Variants in XKR6 observed in about 807,000 individuals in gnomAD.
The protein encoded by XKR6 is XK related 6.
XKR6 carries 22 observed loss-of-function variants against 56.7 expected under a neutral mutation model. The ratio of observed to expected loss-of-function variants is 0.39; its 90% CI spans 0.28 to 0.55. The LOEUF (loss-of-function observed/expected upper bound fraction) is 0.55, where lower values mean the gene tolerates loss of function less well. Ranked by LOEUF, XKR6 falls within the 20% of genes least tolerant of loss-of-function variation. The pLI, the probability that XKR6 is intolerant of heterozygous loss-of-function variation, is 0.66. For missense variants in XKR6, 852 were observed against 889.0 expected, an observed-to-expected ratio of 0.96 and a Z score of 0.53; for synonymous variants, 524 against 387.8, an observed-to-expected ratio of 1.35 and a Z score of -4.13.
intron 1 of XKR6, among the ~76,000 whole-genome samples, chr8:11,162,939 C>T (rs919093411): frequency 2.0e-5 from 3 of 152,228 alleles, no homozygotes; most frequent in African/African-American, 7.2e-5. Context: ...ACCTTATTCT[C>T]AGTCTAGCTA....
chr8:11,193,084 G>T (rs1003527188), intron 1 of XKR6, among the ~76,000 whole-genome samples: 1 of 152,316 alleles, frequency 6.6e-6, no homozygotes, highest in South Asian at 2.1e-4. Context: ...AGGGCAAACC[G>T]TAATTATCAA....
intron 1 of XKR6, among the ~76,000 whole-genome samples, chr8:10,988,295 G>A (rs1427884558): frequency 6.6e-6 from 1 of 152,200 alleles, no homozygotes; most frequent in African/African-American, 2.4e-5. Context: ...ACAGCATGTG[G>A]CACAAAGTAG....
At chr8:10,914,732 G>C (rs1207945277) in intron 2 of XKR6, among the ~76,000 whole-genome samples, 1 of 130,846 alleles carries the variant, frequency 7.6e-6, no homozygotes, top group African/African-American at 3.0e-5. Context: ...ATGTGGGAAA[G>C]TGGGGGAAAT....
intron 1 of XKR6, among the ~76,000 whole-genome samples, chr8:10,998,782 G>A (rs1798172929): frequency 6.6e-6 from 1 of 152,176 alleles, no homozygotes; most frequent in African/African-American, 2.4e-5. Context: ...CCCTTTTGGT[G>A]GTGGACTCAC....
intron 1 of XKR6, among the ~76,000 whole-genome samples, chr8:11,116,603 A>C (rs1317760814): frequency 1.3e-5 from 2 of 152,094 alleles, no homozygotes; most frequent in African/African-American, 4.8e-5. Context: ...ACTCCTGACC[A>C]CAGGTGATCC....
At chr8:11,189,537 G>A (rs1192912545) in intron 1 of XKR6, among the ~76,000 whole-genome samples, 1 of 152,158 alleles carries the variant, frequency 6.6e-6, no homozygotes, top group Admixed American at 6.5e-5. Context: ...AATCACCTGA[G>A]GACCTTCTTT....
intron 1 of XKR6, among the ~76,000 whole-genome samples, chr8:10,966,072 G>A (rs1194823259): frequency 6.6e-6 from 1 of 151,832 alleles, no homozygotes; most frequent in East Asian, 1.9e-4. Flanking sequence ...AGATAACTTG[G>A]GTGGGGAGGA....
At chr8:11,059,580 G>C (rs1376356003) in intron 1 of XKR6, among the ~76,000 whole-genome samples, 2 of 151,814 alleles carry the variant, frequency 1.3e-5, no homozygotes, top group Non-Finnish European at 2.9e-5. Context: ...TCTTCCAGGC[G>C]CGCGGCGGTG....
At chr8:10,955,821 G>T (rs1469077962) in intron 1 of XKR6, among the ~76,000 whole-genome samples, 6 of 152,186 alleles carry the variant, frequency 3.9e-5, no homozygotes. Context: ...TGAGATCCAG[G>T]CCCACACTGG....
At chr8:10,940,575 G>A (rs1046587898) in intron 1 of XKR6, among the ~76,000 whole-genome samples, 3 of 152,152 alleles carry the variant, frequency 2.0e-5, no homozygotes, top group Non-Finnish European at 4.4e-5. Context: ...CTCTTTGTCG[G>A]CACCTGCAGA....
intron 1 of XKR6, among the ~76,000 whole-genome samples, chr8:11,010,660 A>C (rs1798479202): frequency 6.6e-6 from 1 of 152,228 alleles, no homozygotes. Context: ...AATTTTCCAC[A>C]AAATGATTTT....
At chr8:11,141,883 G>C (rs962213918) in intron 1 of XKR6, among the ~76,000 whole-genome samples, 4 of 152,118 alleles carry the variant, frequency 2.6e-5, no homozygotes, top group African/African-American at 9.7e-5. Flanking sequence ...AGTGACTGGG[G>C]AGGGGTCTAG....
intron 1 of XKR6, among the ~76,000 whole-genome samples, chr8:10,943,888 G>A (rs1484477273): frequency 3.9e-5 from 6 of 152,110 alleles, no homozygotes; most frequent in African/African-American, 1.4e-4. Flanking sequence ...TACAGATGAG[G>A]ACACCTTGAG....
rs537002816 is a variant in XKR6, at chr8:11,070,436, T to C, written c.764+130140A>G. Among the ~76,000 whole-genome samples, 3 of 152,312 alleles carry C rather than the reference T, an allele frequency of 2.0e-5. No homozygotes were observed. In the South Asian group the frequency reaches 6.2e-4, roughly 32 times the overall value. ...AGAAACTTTGAGGGTTTAGGACCTA[T>C]TTTTGGGTAGGAGGAGAAGATCAGA... is the stretch of plus-strand genomic sequence containing the variant. On this transcript the variant is annotated intron_variant, in intron 1 of 2. Coordinates refer to ENST00000416569, the MANE Select transcript of XKR6 (RefSeq NM_173683.4).
chr8:11,071,114 T>C (rs1563117217), intron 1 of XKR6, among the ~76,000 whole-genome samples: 1 of 152,304 alleles, frequency 6.6e-6, no homozygotes, highest in East Asian at 1.9e-4. Context: ...TGGATACTCA[T>C]ATCACATTCT....
intron 1 of XKR6, among the ~76,000 whole-genome samples, chr8:11,033,248 TG>T (rs965863979): frequency 2.0e-5 from 3 of 151,154 alleles, no homozygotes; most frequent in African/African-American, 7.4e-5. Flanking sequence ...GTGGTGACAG[TG>T]GAGATGCTAA....
intron 2 of XKR6, among the ~76,000 whole-genome samples, chr8:10,918,201 G>A (rs1386070014): frequency 6.6e-6 from 1 of 152,172 alleles, no homozygotes; most frequent in Non-Finnish European, 1.5e-5. Flanking sequence ...TGGGGAGCTG[G>A]AGGGTCCTTG....
chr8:11,186,591 G>A (rs2117109245), intron 1 of XKR6, among the ~76,000 whole-genome samples: 1 of 152,142 alleles, frequency 6.6e-6, no homozygotes, highest in East Asian at 1.9e-4. Flanking sequence ...CATTGCCCAG[G>A]TTGGTCTCAA....
chr8:11,183,778 T>C (rs1467446414), intron 1 of XKR6, among the ~76,000 whole-genome samples: 1 of 152,172 alleles, frequency 6.6e-6, no homozygotes, highest in Non-Finnish European at 1.5e-5. Context: ...TAAATACGGT[T>C]TTTGGAAAGT....
Sources: allele counts gnomAD v4.1 joint callset (sites outside exome capture counted in the v4.1 genomes callset), GRCh38; gene constraint gnomAD v4.1.1; transcripts MANE v1.5; gene names NCBI Gene and HGNC (gene_info 2026-07-23, HGNC 2026-07-21).